AGBL1: variants seen among roughly 807,000 people sequenced by gnomAD.
AGBL1 encodes cytosolic carboxypeptidase 4.
In AGBL1, 130 loss-of-function variants were observed where a neutral mutation model predicts 118.9. The ratio of observed to expected loss-of-function variants is 1.09; its 90% CI spans 0.95 to 1.26. The LOEUF is 1.26. AGBL1 is among the 50% of genes most tolerant of loss of function. The pLI, the probability that AGBL1 is intolerant of heterozygous loss-of-function variation, is 0.00. For synonymous variants in AGBL1, 555 were observed against 478.9 expected (o/e 1.16, Z -2.08); for missense variants, 1,584 against 1,298.1 (o/e 1.22, Z -3.38).
At chr15:86,262,710 A>C in intron 9 of AGBL1, 68 bp from the exon 10 acceptor site, 1 of 1,067,208 alleles carries the variant, frequency 9.4e-7, no homozygotes, top group Non-Finnish European at 1.4e-6. Context: ...GCACATACAT[A>C]TCATGTCTTG....
At chr15:86,686,280 G>C (rs540047504) in intron 22 of AGBL1, among the ~76,000 whole-genome samples, 5 of 152,164 alleles carry the variant, frequency 3.3e-5, no homozygotes, top group Non-Finnish European at 7.4e-5. Context: ...TGAGGACCTA[G>C]AAGTGATTTG....
At chr15:86,925,963 C>A (rs2080534372) in intron 23 of AGBL1, among the ~76,000 whole-genome samples, 1 of 152,044 alleles carries the variant, frequency 6.6e-6, no homozygotes, top group African/African-American at 2.4e-5. Flanking sequence ...ATCTCCTGAC[C>A]TTGTGATTCA....
chr15:86,951,485 C>G (rs72755653), intron 23 of AGBL1, among the ~76,000 whole-genome samples: 5,943 of 152,112 alleles, frequency 0.039, 160 homozygotes, highest in Middle Eastern at 0.071. Context: ...TCAAAAAATT[C>G]TATATAGTAA....
intron 22 of AGBL1, among the ~76,000 whole-genome samples, chr15:86,681,259 C>A (rs2085950211): frequency 6.6e-6 from 1 of 152,162 alleles, no homozygotes; most frequent in Non-Finnish European, 1.5e-5. Flanking sequence ...CTGCTCTTTG[C>A]TGATAACATA....
intron 18 of AGBL1, among the ~76,000 whole-genome samples, chr15:86,521,215 TA>T (rs1385092659): frequency 2.6e-5 from 4 of 152,314 alleles, no homozygotes; most frequent in South Asian, 2.1e-4. Flanking sequence ...TGGAAATGAA[TA>T]AGTGGTAAAA....
intron 1 of AGBL1, chr15:86,083,308 G>C (rs1398707624): frequency 6.6e-6 from 1 of 152,162 alleles, no homozygotes; most frequent in Non-Finnish European, 1.5e-5. Context: ...TGCCAGCTCT[G>C]ATGCCGTGGG....
At chr15:86,610,741 C>T (rs1019358513) in intron 21 of AGBL1, among the ~76,000 whole-genome samples, 1 of 152,186 alleles carries the variant, frequency 6.6e-6, no homozygotes. Flanking sequence ...CAGTACTTAA[C>T]TTCGCTTCCC....
chr15:86,187,010 C>T (rs1350917089), intron 5 of AGBL1, among the ~76,000 whole-genome samples: 5 of 152,172 alleles, frequency 3.3e-5, no homozygotes, highest in Non-Finnish European at 7.3e-5. Flanking sequence ...GGACATTAGT[C>T]TATTATTTAT....
At chr15:86,182,008 A>T (rs940552320) in intron 5 of AGBL1, among the ~76,000 whole-genome samples, 2 of 152,066 alleles carry the variant, frequency 1.3e-5, no homozygotes, top group African/African-American at 4.8e-5. Flanking sequence ...GATGAACTAG[A>T]TTTAACTCAT....
At chr15:86,723,850 G>T (rs151244145) in intron 22 of AGBL1, among the ~76,000 whole-genome samples, 1 of 152,098 alleles carries the variant, frequency 6.6e-6, no homozygotes, top group South Asian at 2.1e-4. Context: ...TGCAGTGGGC[G>T]TGCTGGCAGA....
intron 22 of AGBL1, among the ~76,000 whole-genome samples, chr15:86,904,839 C>T (rs190148197): frequency 6.6e-6 from 1 of 151,862 alleles, no homozygotes; most frequent in African/African-American, 2.4e-5. Context: ...TATATATACC[C>T]CTGTTATATG....
intron 17 of AGBL1, among the ~76,000 whole-genome samples, chr15:86,396,282 T>C (rs1391248769): frequency 6.7e-6 from 1 of 149,376 alleles, no homozygotes; most frequent in Non-Finnish European, 1.5e-5. Context: ...CGTCAGTAAA[T>C]GAATCAAAAC....
chr15:86,102,149 G>A (rs751259467), intron 1 of AGBL1, among the ~76,000 whole-genome samples: 2 of 151,240 alleles, frequency 1.3e-5, no homozygotes, highest in Non-Finnish European at 1.5e-5. Context: ...CAAGCGATCC[G>A]CTCACCTCAG....
chr15:86,564,227 G>A (rs532622700), intron 21 of AGBL1, among the ~76,000 whole-genome samples: 7 of 152,108 alleles, frequency 4.6e-5, no homozygotes, highest in East Asian at 1.9e-4. Flanking sequence ...TCCTAGCATC[G>A]ATGGTCTTTA....
At chr15:86,278,378 A>G (rs972565979) in intron 15 of AGBL1, among the ~76,000 whole-genome samples, 4 of 152,198 alleles carry the variant, frequency 2.6e-5, no homozygotes, top group African/African-American at 9.6e-5. Flanking sequence ...TGAGGGAAGG[A>G]AGATAAAGGT....
chr15:86,835,882 A>T (rs1336623044), intron 22 of AGBL1, among the ~76,000 whole-genome samples: 1 of 152,180 alleles, frequency 6.6e-6, no homozygotes, highest in Non-Finnish European at 1.5e-5. Flanking sequence ...TGTACGATCC[A>T]TTGGCTCCTA....
chr15:86,818,731 G>C (rs974076116), intron 22 of AGBL1, among the ~76,000 whole-genome samples: 1 of 152,174 alleles, frequency 6.6e-6, no homozygotes, highest in Admixed American at 6.5e-5. Flanking sequence ...ATAAATACTT[G>C]CAGGCCAGTA....
At chr15:86,611,533 A>G (rs1241082065) in intron 21 of AGBL1, among the ~76,000 whole-genome samples, 1 of 152,186 alleles carries the variant, frequency 6.6e-6, no homozygotes, top group Admixed American at 6.5e-5. Context: ...AGGGAGGAAT[A>G]TTCACCAATC....
chr15:86,655,853 G>A lies in AGBL1; in HGVS notation c.2995-18420G>A, dbSNP rs141263273. 4.2e-3 allele frequency among the ~76,000 whole-genome samples: 646 copies of A among 152,276 alleles called. 2 individuals are homozygous for A. The highest frequency in any genetic ancestry group is 7.5e-3 in the Non-Finnish European group (511 of 68,020). On this transcript the variant is annotated intron_variant, in intron 21 of 22. Coordinates refer to ENST00000614907, the MANE Select transcript of AGBL1 (RefSeq NM_001386094.1). ...TGAGGAAAGTCTAGCTATGGGCTTC[G>A]TAGTAGTTTTGCTGCTATACCACAT...
Sources: gnomAD v4.1 joint callset for allele counts (sites outside exome capture counted in the v4.1 genomes callset) on GRCh38, gnomAD v4.1.1 for gene constraint, MANE v1.5 for transcripts, NCBI Gene and HGNC (gene_info 2026-07-23, HGNC 2026-07-21) for gene names.